THADA: variants seen among roughly 807,000 people sequenced by gnomAD.
THADA encodes the protein tRNA (32-2'-O)-methyltransferase regulator THADA.
A neutral mutation model predicts 219.8 loss-of-function variants in THADA; 213 were observed. That is an observed-to-expected ratio of 0.97 (90% confidence interval 0.87 to 1.09). The LOEUF (loss-of-function observed/expected upper bound fraction) is 1.09. Ranked by LOEUF, THADA falls within the 50% of genes least tolerant of loss-of-function variation. The pLI is 0.00. For synonymous variants in THADA, 1,018 were observed against 828.9 expected, an observed-to-expected ratio of 1.23 and a Z score of -3.92; for missense variants, 2,956 against 2,311.3, an observed-to-expected ratio of 1.28 and a Z score of -5.72.
At chr2:43,454,159 TA>T (rs1263153579) in intron 26 of THADA, among the ~76,000 whole-genome samples, 1 of 152,184 alleles carries the variant, frequency 6.6e-6, no homozygotes, top group East Asian at 1.9e-4. Flanking sequence ...AATGAAGAAA[TA>T]AATCAAGTCT....
intron 31 of THADA, among the ~76,000 whole-genome samples, chr2:43,299,925 G>A (rs1378854255): frequency 6.6e-6 from 1 of 151,252 alleles, no homozygotes; most frequent in Non-Finnish European, 1.5e-5. Flanking sequence ...CTACTCCGGA[G>A]GCTGAAGCAG....
At chr2:43,495,323 C>T (rs533616553) in intron 25 of THADA, among the ~76,000 whole-genome samples, 1 of 151,790 alleles carries the variant, frequency 6.6e-6, no homozygotes, top group Non-Finnish European at 1.5e-5. Flanking sequence ...GAAATGTTTC[C>T]TTCATAAAGT....
intron 29 of THADA, among the ~76,000 whole-genome samples, chr2:43,354,883 G>C (rs1340532066): frequency 6.6e-6 from 1 of 152,142 alleles, no homozygotes; most frequent in Non-Finnish European, 1.5e-5. Flanking sequence ...TCATGATAGA[G>C]AGTGAGTTCT....
chr2:43,232,280 G>A (rs1179837119), intron 37 of THADA, among the ~76,000 whole-genome samples: 1 of 151,750 alleles, frequency 6.6e-6, no homozygotes, highest in Non-Finnish European at 1.5e-5. Flanking sequence ...CCAGGTTCAC[G>A]CCATTCTCCT....
At chr2:43,446,056 A>T (rs1039048337) in intron 26 of THADA, among the ~76,000 whole-genome samples, 1 of 152,224 alleles carries the variant, frequency 6.6e-6, no homozygotes, top group African/African-American at 2.4e-5. Context: ...TTGGTGAGTA[A>T]ATATCAATCT....
intron 36 of THADA, among the ~76,000 whole-genome samples, chr2:43,251,474 T>C (rs1170346579): frequency 6.6e-6 from 1 of 152,254 alleles, no homozygotes; most frequent in Non-Finnish European, 1.5e-5. Flanking sequence ...AACCCATTTG[T>C]TGCTCTCTGC....
At chr2:43,465,281 G>C (rs1684104316) in intron 26 of THADA, among the ~76,000 whole-genome samples, 1 of 152,162 alleles carries the variant, frequency 6.6e-6, no homozygotes, top group Non-Finnish European at 1.5e-5. Flanking sequence ...CATTGAACTT[G>C]TTTAATCCAG....
In THADA at chr2:43,231,142, G is replaced by T. The variant is rs768211032; in HGVS notation, c.5668C>A (p.Pro1890Thr). ...HLLSQFFREL[P>T]PAAEFVKTVE... ...GTCTTCACAAACTCAGCAGCTGGTG[G>T]AAGCTCTCTGAAGAACTGAGACAGG... Residue 1890 changes from proline (P) to threonine (T), a missense_variant, in exon 38 of 38, where the codon CCA becomes ACA. Pro to Thr is a conservative substitution (Grantham distance 38). Coordinates refer to ENST00000405975, the MANE Select transcript of THADA (RefSeq NM_022065.5). The T allele has an allele frequency of 6.2e-7, 1 of 1,613,876 alleles. No homozygotes were observed. The highest frequency in any genetic ancestry group is 1.3e-5 in the African/African-American group (1 of 75,028).
chr2:43,569,857 C>A (rs1699101663), intron 14 of THADA, among the ~76,000 whole-genome samples: 1 of 152,098 alleles, frequency 6.6e-6, no homozygotes, highest in South Asian at 2.1e-4. Flanking sequence ...AAGCCCTGGC[C>A]CAGACTGGAG....
chr2:43,377,109 G>A (rs556653000), intron 29 of THADA, among the ~76,000 whole-genome samples: 7 of 152,274 alleles, frequency 4.6e-5, no homozygotes, highest in Admixed American at 2.0e-4. Context: ...AAGAGAAGGC[G>A]GCTGTGGGGA....
chr2:43,550,057 A>T (rs1574212278), intron 19 of THADA, among the ~76,000 whole-genome samples: 1 of 152,226 alleles, frequency 6.6e-6, no homozygotes, highest in Non-Finnish European at 1.5e-5. Context: ...TCACTGGATT[A>T]GGAAATGTAA....
At chr2:43,257,682 C>A (rs992702241) in intron 36 of THADA, among the ~76,000 whole-genome samples, 1 of 152,174 alleles carries the variant, frequency 6.6e-6, no homozygotes, top group Non-Finnish European at 1.5e-5. Context: ...GAATTTAAGG[C>A]CACCTATCAA....
At chr2:43,487,696 C>A (rs1464473113) in intron 25 of THADA, among the ~76,000 whole-genome samples, 2 of 152,070 alleles carry the variant, frequency 1.3e-5, no homozygotes, top group African/African-American at 4.8e-5. Context: ...GCGATTAGTG[C>A]CCTTATAAAA....
At chr2:43,316,901 T>C (rs117195820) in intron 31 of THADA, among the ~76,000 whole-genome samples, 1 of 152,338 alleles carries the variant, frequency 6.6e-6, no homozygotes, top group East Asian at 1.9e-4. Flanking sequence ...TACTCCAGCT[T>C]GTGCAACAAG....
At chr2:43,489,796 G>A (rs940528789) in intron 25 of THADA, among the ~76,000 whole-genome samples, 1 of 148,046 alleles carries the variant, frequency 6.8e-6, no homozygotes, top group African/African-American at 2.6e-5. Context: ...GACCTGTGGG[G>A]CCTCCAACTT....
chr2:43,578,931 A>G (rs1463826731), intron 8 of THADA, among the ~76,000 whole-genome samples: 2 of 152,302 alleles, frequency 1.3e-5, no homozygotes, highest in Admixed American at 1.3e-4. Context: ...TCCTGGGTTC[A>G]GGCGATTCTC....
At chr2:43,261,012 GT>G (rs72327839) in intron 36 of THADA, among the ~76,000 whole-genome samples, 26,129 of 151,420 alleles carry the variant, frequency 0.17, 2,883 homozygotes, top group African/African-American at 0.32. Context: ...TTTGTAGAGT[GT>G]TTTTTTTGGT....
At chr2:43,585,590 A>G (rs1245473207) in intron 7 of THADA, among the ~76,000 whole-genome samples, 2 of 152,052 alleles carry the variant, frequency 1.3e-5, no homozygotes, top group African/African-American at 2.4e-5. Context: ...AAAGAAATAC[A>G]TAATTGCCCA....
At chr2:43,274,053 T>C (rs998628369) in intron 36 of THADA, among the ~76,000 whole-genome samples, 1 of 152,022 alleles carries the variant, frequency 6.6e-6, no homozygotes, top group South Asian at 2.1e-4. Flanking sequence ...CTCTTCCACC[T>C]CCCTCCTAAA....
Sources: gnomAD v4.1 joint callset for allele counts (sites outside exome capture counted in the v4.1 genomes callset) on GRCh38, gnomAD v4.1.1 for gene constraint, MANE v1.5 for transcripts, NCBI Gene and HGNC (gene_info 2026-07-23, HGNC 2026-07-21) for gene names.